ANKRD11: variants seen among roughly 807,000 people sequenced by gnomAD.
ANKRD11 encodes ankyrin repeat domain-containing protein 11.
In ANKRD11, 17 loss-of-function variants were observed where a neutral mutation model predicts 195.7. The observed-to-expected ratio is 0.09, with a 90% CI of 0.06 to 0.13. ANKRD11 has a LOEUF of 0.13. ANKRD11 is among the 10% of genes least tolerant of loss of function. The probability of loss-of-function intolerance (pLI) is 1.00; values close to 1 mark genes in which losing one functional copy is unlikely to be tolerated. For missense variants in ANKRD11, 3,735 were observed against 3,566.1 expected (o/e 1.05, Z -1.21); for synonymous variants, 1,953 against 1,528.1 (o/e 1.28, Z -6.49).
chr16:89,314,964 C>A (rs1222643528), intron 3 of ANKRD11, among the ~76,000 whole-genome samples: 2 of 152,220 alleles, frequency 1.3e-5, no homozygotes, highest in African/African-American at 4.8e-5. Context: ...ACCCAAATCT[C>A]TTTGTTCCTA....
intron 2 of ANKRD11, among the ~76,000 whole-genome samples, chr16:89,401,846 G>T (rs1383130239): frequency 6.6e-6 from 1 of 152,102 alleles, no homozygotes; most frequent in Non-Finnish European, 1.5e-5. Context: ...ACAAGCCCGG[G>T]CGCACCAGAG....
chr16:89,276,630 G>A (rs112043543), intron 9 of ANKRD11, among the ~76,000 whole-genome samples: 4,642 of 152,322 alleles, frequency 0.03, 102 homozygotes, highest in African/African-American at 0.056. Flanking sequence ...GCCTGCCACA[G>A]CGTGGACGCA....
In ANKRD11 at chr16:89,279,745, G is replaced by A. The variant is rs748996527; in HGVS notation, c.6797C>T (p.Ala2266Val). The A allele has an allele frequency of 4.0e-4, 611 of 1,525,286 alleles. 1 individual carries two copies. Among genetic ancestry groups the A allele is most frequent in the Non-Finnish European group, 5.1e-4 (585 of 1,139,968 alleles). The allele number at this position is 1,525,286 out of a possible 1,614,324, so 94.5% of individuals were successfully genotyped here. A position where few individuals can be genotyped will look rare whatever the true frequency, so the allele number is the denominator to read the frequency against. ...QGAEAEGPPA[A>V]SLCAPDGPAP... ...GGGGCCGTCAGGGGCACAGAGGGAC[G>A]CGGCGGGGGGGCCTTCAGCCTCAGC... Residue 2266 changes from alanine (A) to valine (V), a missense_variant, in exon 9 of 13, where the codon GCG (alanine) becomes GTG (valine). Coordinates refer to ENST00000301030, the MANE Select transcript of ANKRD11 (RefSeq NM_013275.6). The surrounding 1 kb of genome is among the most constrained non-coding windows in gnomAD (Gnocchi z 5.6).
At chr16:89,447,148 C>T (rs74033793) in intron 1 of ANKRD11, among the ~76,000 whole-genome samples, 4,006 of 152,158 alleles carry the variant, frequency 0.026, 188 homozygotes, top group African/African-American at 0.091. Context: ...CAAAGCTCCA[C>T]GTCCAACACC....
intron 2 of ANKRD11, among the ~76,000 whole-genome samples, chr16:89,401,649 C>A (rs1244249930): frequency 1.3e-5 from 2 of 152,146 alleles, no homozygotes; most frequent in Non-Finnish European, 2.9e-5. Context: ...TCCTAGCCCC[C>A]CAACACCACA....
chr16:89,371,263 C>T (rs2040180611), intron 2 of ANKRD11, among the ~76,000 whole-genome samples: 1 of 152,286 alleles, frequency 6.6e-6, no homozygotes. Flanking sequence ...CACAGAGAGG[C>T]AGGTTCAGCA....
chr16:89,412,742 G>T (rs952774162), intron 2 of ANKRD11, among the ~76,000 whole-genome samples: 3 of 152,188 alleles, frequency 2.0e-5, no homozygotes, highest in Non-Finnish European at 4.4e-5. Context: ...TGTAAAAAAT[G>T]ATGGTATTAA....
At chr16:89,373,054 G>A (rs575281973) in intron 2 of ANKRD11, 1 of 152,326 alleles carries the variant, frequency 6.6e-6, no homozygotes, top group Admixed American at 6.5e-5. Flanking sequence ...CCGTTCCTCT[G>A]TCCCCATTGT....
Position 89,426,143 on chromosome 16 carries a change from C to T in ANKRD11, c.-144-7775G>A, listed in dbSNP as rs183330389. Among the ~76,000 whole-genome samples, 5 of 152,188 alleles carry T rather than the reference C, an allele frequency of 3.3e-5. No individual in the cohort carries two copies. In the East Asian group the frequency reaches 9.6e-4, roughly 29 times the overall value. On this transcript the variant is annotated intron_variant, in intron 1 of 12. Transcript: ENST00000301030. ...CCTGCCAAAACCTTCCCTTCCTCAC[C>T]GGATCCAGGGGAATGGCAAAAACAA...
chr16:89,368,686 T>C (rs916666667), intron 2 of ANKRD11, among the ~76,000 whole-genome samples: 8 of 150,438 alleles, frequency 5.3e-5, no homozygotes, highest in East Asian at 1.9e-4. Context: ...AGTGCTATAA[T>C]TGCTTCAGCC....
chr16:89,376,311 G>T (rs2040421492), intron 2 of ANKRD11, among the ~76,000 whole-genome samples: 2 of 152,210 alleles, frequency 1.3e-5, no homozygotes, highest in Admixed American at 1.3e-4. Context: ...GACAGTTTTA[G>T]AACGTTTGGC....
At chr16:89,465,376 A>C (rs1399378192) in intron 1 of ANKRD11, among the ~76,000 whole-genome samples, 1 of 152,226 alleles carries the variant, frequency 6.6e-6, no homozygotes, top group Non-Finnish European at 1.5e-5. Context: ...CTTAACTAAA[A>C]AAGAATCATG....
chr16:89,488,692 T>C (rs1006610500), intron 1 of ANKRD11, among the ~76,000 whole-genome samples: 10 of 152,184 alleles, frequency 6.6e-5, no homozygotes, highest in African/African-American at 2.4e-4. Context: ...TATCATCTTA[T>C]ATGTTTGGCT....
At position 89,323,438 on chromosome 16, in the gene ANKRD11, T is replaced by A. The variant is rs182154339; in HGVS notation, c.-59-6360A>T. 4.8e-3 allele frequency: 2,180 copies of A among 456,814 alleles called. 25 individuals are homozygous for A. The African/African-American group carries it at 0.05, about 10-fold the overall frequency. The allele number at this position is 456,814 out of a possible 1,614,324, so 28.3% of individuals were successfully genotyped here. ...GGGGCTGAGCCGAGGGCAGGGGGGC[T>A]GAGCCGAGGGCAGGGGGGCAGAGCC... On this transcript the variant is annotated intron_variant, in intron 2 of 12. Coordinates refer to ENST00000301030, the MANE Select transcript of ANKRD11 (RefSeq NM_013275.6).
chr16:89,271,307 G>A, intron 11 of ANKRD11: 1 of 308,570 alleles, frequency 3.2e-6, no homozygotes. Context: ...GCGCGATCCT[G>A]GCTCACCGCA....
At chr16:89,451,909 C>T (rs1410451827) in intron 1 of ANKRD11, among the ~76,000 whole-genome samples, 1 of 152,010 alleles carries the variant, frequency 6.6e-6, no homozygotes, top group Non-Finnish European at 1.5e-5. Context: ...AAATAAAATC[C>T]TAAAAAATCT....
At chr16:89,462,337 C>T (rs1435785436) in intron 1 of ANKRD11, among the ~76,000 whole-genome samples, 7 of 152,232 alleles carry the variant, frequency 4.6e-5, no homozygotes, top group Non-Finnish European at 1.0e-4. Context: ...TCCCGAGGTG[C>T]CGGGATTGCA....
chr16:89,343,529 G>C (rs185134169), intron 2 of ANKRD11, among the ~76,000 whole-genome samples: 253 of 152,296 alleles, frequency 1.7e-3, no homozygotes, highest in African/African-American at 5.9e-3. Context: ...CAGAGCTCGA[G>C]GTGGGCTGGA....
chr16:89,393,916 A>G (rs2041312972), intron 2 of ANKRD11, among the ~76,000 whole-genome samples: 1 of 152,238 alleles, frequency 6.6e-6, no homozygotes, highest in South Asian at 2.1e-4. Flanking sequence ...AGTCACGAAG[A>G]AAGTGCTTGT....
Sources: allele counts gnomAD v4.1 joint callset (sites outside exome capture counted in the v4.1 genomes callset), GRCh38; gene constraint gnomAD v4.1.1; non-coding constraint Gnocchi (gnomAD v3.1); transcripts MANE v1.5; gene names NCBI Gene and HGNC (gene_info 2026-07-23, HGNC 2026-07-21).